GNA14: variants seen among roughly 807,000 people sequenced by gnomAD.
GNA14 encodes the protein G protein subunit alpha 14.
Under a neutral mutation model 42.0 loss-of-function variants are expected in GNA14, and 50 were observed. The ratio of observed to expected loss-of-function variants is 1.19; its 90% CI spans 0.95 to 1.51. The LOEUF (loss-of-function observed/expected upper bound fraction) is 1.51, where lower values mean the gene tolerates loss of function less well. GNA14 is among the 40% of genes most tolerant of loss of function. GNA14 has a pLI of 0.00. For synonymous variants in GNA14, 173 were observed against 163.1 expected (o/e 1.06, Z -0.46); for missense variants, 473 against 446.2 (o/e 1.06, Z -0.54).
intron 1 of GNA14, among the ~76,000 whole-genome samples, chr9:77,570,798 T>G (rs1823047755): frequency 6.6e-6 from 1 of 152,246 alleles, no homozygotes. Flanking sequence ...GTTTAACCTT[T>G]TGTGGAATTA....
intron 2 of GNA14, among the ~76,000 whole-genome samples, chr9:77,434,915 A>G (rs1226348048): frequency 6.6e-6 from 1 of 152,184 alleles, no homozygotes; most frequent in Admixed American, 6.5e-5. Flanking sequence ...CAATGAGGCC[A>G]TTTAAAAATG....
intron 2 of GNA14, among the ~76,000 whole-genome samples, chr9:77,516,181 G>C (rs1183515597): frequency 1.3e-5 from 2 of 152,064 alleles, no homozygotes; most frequent in Non-Finnish European, 2.9e-5. Flanking sequence ...TATCAGACTA[G>C]TTGCCCATTT....
intron 1 of GNA14, among the ~76,000 whole-genome samples, chr9:77,573,707 C>T (rs914063814): frequency 3.0e-4 from 46 of 152,066 alleles, no homozygotes; most frequent in African/African-American, 9.2e-4. Flanking sequence ...AGAATCATCA[C>T]AAAGTTCAAA....
At chr9:77,594,134 T>C (rs895667171) in intron 1 of GNA14, among the ~76,000 whole-genome samples, 11 of 152,120 alleles carry the variant, frequency 7.2e-5, no homozygotes, top group African/African-American at 1.9e-4. Flanking sequence ...AGTGAATAAA[T>C]TGAAAACAGT....
intron 2 of GNA14, among the ~76,000 whole-genome samples, chr9:77,440,568 T>C (rs1175004770): frequency 2.0e-5 from 3 of 152,378 alleles, no homozygotes; most frequent in Middle Eastern, 3.4e-3. Context: ...GACAAAATTG[T>C]ATATATTTAT....
chr9:77,474,343 T>G (rs1029566917), intron 2 of GNA14, among the ~76,000 whole-genome samples: 2 of 152,128 alleles, frequency 1.3e-5, no homozygotes, highest in African/African-American at 4.8e-5. Flanking sequence ...TGAAAAAAAT[T>G]TGATTAGGCA....
intron 1 of GNA14, among the ~76,000 whole-genome samples, chr9:77,638,567 G>A (rs1824215088): frequency 6.6e-6 from 1 of 152,176 alleles, no homozygotes; most frequent in Non-Finnish European, 1.5e-5. Flanking sequence ...GGTAACAAAT[G>A]TTGTGTTTGA....
intron 2 of GNA14, among the ~76,000 whole-genome samples, chr9:77,515,978 A>AAC (rs1248512423): frequency 6.8e-6 from 1 of 147,340 alleles, no homozygotes; most frequent in Admixed American, 6.7e-5. Flanking sequence ...AAAAAAAAAA[A>AAC]AAAAACCCAG....
At chr9:77,629,840 G>A (rs12347599) in intron 1 of GNA14, among the ~76,000 whole-genome samples, 2,608 of 152,156 alleles carry the variant, frequency 0.017, 91 homozygotes, top group African/African-American at 0.059. Flanking sequence ...TAACAAACCT[G>A]CACGTTCTGC....
At chr9:77,609,938 T>C (rs1485191318) in intron 1 of GNA14, among the ~76,000 whole-genome samples, 1 of 152,198 alleles carries the variant, frequency 6.6e-6, no homozygotes, top group Non-Finnish European at 1.5e-5. Flanking sequence ...ATTGTCTTGA[T>C]CCACCTCTTT....
At chr9:77,640,867 T>C (rs1283608206) in intron 1 of GNA14, among the ~76,000 whole-genome samples, 1 of 49,984 alleles carries the variant, frequency 2.0e-5, no homozygotes, top group African/African-American at 1.2e-4. Flanking sequence ...AACAATAAAA[T>C]GCTCAAAAAA....
chr9:77,534,031 T>G (rs1326135043), intron 1 of GNA14, among the ~76,000 whole-genome samples: 2 of 152,226 alleles, frequency 1.3e-5, no homozygotes, highest in Admixed American at 1.3e-4. Flanking sequence ...GTGTGATTAT[T>G]TAATATTTAG....
Position 77,465,288 on chromosome 9 carries a change from T to C in GNA14, c.310-30766A>G, listed in dbSNP as rs12002866. On this transcript the variant is annotated intron_variant, in intron 2 of 6. Transcript: ENST00000341700. The stretch of plus-strand genomic sequence containing the variant: ...CCACACAATATGGAATCCATTGGGA[T>C]TGGCTTCTTTCCCTTAGCTTAATGT... Among the ~76,000 whole-genome samples, 325 of 152,344 alleles carry C rather than the reference T, an allele frequency of 2.1e-3. 1 individual carries two copies. Among genetic ancestry groups the C allele is most frequent in the African/African-American group, 7.4e-3 (308 of 41,578 alleles).
chr9:77,447,756 G>A (rs1214782259), intron 2 of GNA14, among the ~76,000 whole-genome samples: 1 of 152,314 alleles, frequency 6.6e-6, no homozygotes. Flanking sequence ...GGAGGGAAGA[G>A]AGCATGGAGC....
At chr9:77,492,315 A>G (rs933197049) in intron 2 of GNA14, among the ~76,000 whole-genome samples, 1 of 151,592 alleles carries the variant, frequency 6.6e-6, no homozygotes, top group Non-Finnish European at 1.5e-5. Flanking sequence ...ATAAATAAAT[A>G]AATTTTATTT....
At chr9:77,595,114 G>A (rs1399204271) in intron 1 of GNA14, among the ~76,000 whole-genome samples, 1 of 152,176 alleles carries the variant, frequency 6.6e-6, no homozygotes, top group Non-Finnish European at 1.5e-5. Context: ...TGTTTGCCAT[G>A]TCTCAAGCTC....
intron 2 of GNA14, chr9:77,456,483 AAAACGAAGTTCCAGAAATAG>A (rs1262563930): frequency 6.6e-6 from 1 of 152,258 alleles, no homozygotes; most frequent in African/African-American, 2.4e-5. Context: ...TTGAAAGTAG[AAAACGAAGTTCCAGAAATAG>A]AAGAAGGGCT....
intron 2 of GNA14, among the ~76,000 whole-genome samples, chr9:77,457,392 T>G (rs965144860): frequency 6.6e-6 from 1 of 152,224 alleles, no homozygotes; most frequent in Non-Finnish European, 1.5e-5. Flanking sequence ...ACATAAAAAT[T>G]GACAAGAGAA....
intron 1 of GNA14, among the ~76,000 whole-genome samples, chr9:77,541,450 G>A (rs562470543): frequency 6.6e-6 from 1 of 152,110 alleles, no homozygotes; most frequent in Non-Finnish European, 1.5e-5. Flanking sequence ...AACTTTTCTT[G>A]TGCTGTTGTT....
Sources: gnomAD v4.1 joint callset for allele counts (sites outside exome capture counted in the v4.1 genomes callset) on GRCh38, gnomAD v4.1.1 for gene constraint, MANE v1.5 for transcripts, NCBI Gene and HGNC (gene_info 2026-07-23, HGNC 2026-07-21) for gene names.